Variants in PCDHA1 observed in about 807,000 individuals in gnomAD.
PCDHA1 encodes the protein protocadherin alpha 1, also known as protocadherin alpha-1.
PCDHA1 carries 42 observed loss-of-function variants against 61.3 expected under a neutral mutation model. The ratio of observed to expected loss-of-function variants is 0.69; its 90% CI spans 0.54 to 0.89. The LOEUF (loss-of-function observed/expected upper bound fraction) is 0.89. PCDHA1 is among the 40% of genes least tolerant of loss of function. The probability of loss-of-function intolerance (pLI) is 0.00; values close to 1 mark genes in which losing one functional copy is unlikely to be tolerated. For synonymous variants in PCDHA1, 610 were observed against 553.8 expected (o/e 1.10, Z -1.43); for missense variants, 1,256 against 1,235.3 (o/e 1.02, Z -0.25).
chr5:140,942,601 G>T (rs562403777), intron 1 of PCDHA1, among the ~76,000 whole-genome samples: 1 of 130,586 alleles, frequency 7.7e-6, no homozygotes, highest in South Asian at 2.4e-4. Flanking sequence ...TAATTATAGT[G>T]TTTATATTTG....
At chr5:140,861,543 C>G (rs1554154929) in intron 1 of PCDHA1, 2 of 424,418 alleles carry the variant, frequency 4.7e-6, no homozygotes, top group East Asian at 7.1e-5. Flanking sequence ...CAGCATCCAC[C>G]TGGAAGTGAT....
At chr5:140,877,316 C>T in intron 1 of PCDHA1, 1 of 1,613,948 alleles carries the variant, frequency 6.2e-7, no homozygotes. Flanking sequence ...CAACCGGCGG[C>T]GGTCGGCGCG....
At chr5:140,883,910 A>G in intron 1 of PCDHA1, 4 of 1,613,424 alleles carry the variant, frequency 2.5e-6, no homozygotes, top group Non-Finnish European at 3.4e-6. Context: ...TCTGGGCAGC[A>G]ACGTGACGCT....
chr5:140,863,086 A>T, intron 1 of PCDHA1: 3 of 573,948 alleles, frequency 5.2e-6, no homozygotes, highest in South Asian at 4.1e-5. Flanking sequence ...GGGCGAGATC[A>T]GCACGACGAG....
rs1393449326 is a variant in PCDHA1, at chr5:140,836,217, C to A, written c.2394+47533C>A. On this transcript the variant is annotated intron_variant, in intron 1 of 3. Transcript: ENST00000504120. ...CAACGCGTGGCTTTCGTATGAGTTG[C>A]AACCGGTGGCGGCCGGTGCGAGCAT... The A allele has an allele frequency of 1.2e-6, 2 of 1,613,820 alleles. 1 individual carries two copies. The highest frequency in any genetic ancestry group is 2.7e-5 in the African/African-American group (2 of 74,978).
At chr5:140,894,042 C>T (rs1180138209) in intron 1 of PCDHA1, among the ~76,000 whole-genome samples, 2 of 152,078 alleles carry the variant, frequency 1.3e-5, no homozygotes, top group African/African-American at 2.4e-5. Context: ...TAATGTAAGT[C>T]CTCTGTTGAA....
chr5:140,904,707 C>T (rs561558058), intron 1 of PCDHA1, among the ~76,000 whole-genome samples: 1 of 152,244 alleles, frequency 6.6e-6, no homozygotes, highest in African/African-American at 2.4e-5. Context: ...TCCCTTTTCA[C>T]CACATTCTGG....
chr5:140,835,608 C>T (rs1554135105), intron 1 of PCDHA1: 3 of 1,613,898 alleles, frequency 1.9e-6, no homozygotes, highest in East Asian at 2.2e-5. Flanking sequence ...TTCATTGGTG[C>T]TGGACAGCGC....
intron 1 of PCDHA1, chr5:140,926,741 A>G (rs572260372): frequency 1.7e-6 from 2 of 1,192,504 alleles, no homozygotes; most frequent in South Asian, 2.4e-5. Flanking sequence ...GGGAGGCGCA[A>G]CGTCGGCGGT....
chr5:140,920,277 T>C (rs1275415444), intron 1 of PCDHA1, among the ~76,000 whole-genome samples: 1 of 152,230 alleles, frequency 6.6e-6, no homozygotes, highest in African/African-American at 2.4e-5. Context: ...TTATGTAATC[T>C]TATATTTTTT....
At chr5:140,858,605 T>C (rs553423419) in intron 1 of PCDHA1, 1 of 1,265,752 alleles carries the variant, frequency 7.9e-7, no homozygotes, top group South Asian at 1.5e-5. Flanking sequence ...AGTTTTAAAA[T>C]TTTTTTATCC....
chr5:140,822,157 A>G (rs2150114165), intron 1 of PCDHA1: 1 of 1,614,258 alleles, frequency 6.2e-7, no homozygotes, highest in Non-Finnish European at 8.5e-7. Context: ...CATCAATGAC[A>G]ATCCGCCCAG....
At chr5:140,955,480 C>T (rs940139413) in intron 1 of PCDHA1, among the ~76,000 whole-genome samples, 3 of 152,088 alleles carry the variant, frequency 2.0e-5, no homozygotes, top group African/African-American at 7.2e-5. Flanking sequence ...GGCACCTCTC[C>T]TTCCTGCCAC....
In PCDHA1 at chr5:140,870,432, G is replaced by A. The variant is rs368823990; in HGVS notation, c.2394+81748G>A. On this transcript the variant is annotated intron_variant, in intron 1 of 3. Transcript: ENST00000504120. ...GGGCCACGGCCAGGGTATCCGTGGAGGTGGCCGACGTGAACGACAATGCGC... is the reference window on the plus strand; with the variant it reads ...GGGCCACGGCCAGGGTATCCGTGGAAGTGGCCGACGTGAACGACAATGCGC... 721 of 1,614,252 alleles carry A rather than the reference G, an allele frequency of 4.5e-4. 4 individuals carry two copies. In the African/African-American group the frequency reaches 8.4e-3, roughly 19 times the overall value.
chr5:140,905,580 T>C (rs2071928885), intron 1 of PCDHA1, among the ~76,000 whole-genome samples: 1 of 152,168 alleles, frequency 6.6e-6, no homozygotes, highest in Non-Finnish European at 1.5e-5. Flanking sequence ...AGAATGATAA[T>C]GATATTTTGC....
chr5:141,006,974 G>A (rs782657772), intron 3 of PCDHA1, among the ~76,000 whole-genome samples: 6 of 152,174 alleles, frequency 3.9e-5, no homozygotes, highest in Admixed American at 3.9e-4. Context: ...GGAGCACAGA[G>A]AGATGTGGGC....
chr5:140,887,335 A>G (rs1360547523), intron 1 of PCDHA1, among the ~76,000 whole-genome samples: 1 of 152,102 alleles, frequency 6.6e-6, no homozygotes, highest in African/African-American at 2.4e-5. Flanking sequence ...TGACCTCGTG[A>G]TCCACCTGGC....
At chr5:140,882,108 A>T in intron 1 of PCDHA1, 4 of 1,370,912 alleles carry the variant, frequency 2.9e-6, no homozygotes, top group Non-Finnish European at 3.9e-6. Context: ...TCCGCGAAGA[A>T]AGCCGCCGTT....
intron 1 of PCDHA1, chr5:140,809,708 C>A: frequency 9.3e-7 from 1 of 1,072,272 alleles, no homozygotes. Flanking sequence ...TAACTAAAGT[C>A]TTTTGGAATT....
Sources: gnomAD v4.1 joint callset for allele counts (sites outside exome capture counted in the v4.1 genomes callset) on GRCh38, gnomAD v4.1.1 for gene constraint, MANE v1.5 for transcripts, NCBI Gene and HGNC (gene_info 2026-07-23, HGNC 2026-07-21) for gene names.